The following RP1 variants were observed in gnomAD, a reference collection of about 807,000 sequenced individuals.
RP1 encodes the protein oxygen-regulated protein 1.
Under a neutral mutation model 14.8 loss-of-function variants are expected in RP1, and 16 were observed. The observed-to-expected ratio is 1.08, with a 90% CI of 0.73 to 1.65. The LOEUF (loss-of-function observed/expected upper bound fraction) is 1.65. Ranked by LOEUF, RP1 falls within the 40% of genes most tolerant of loss-of-function variation. RP1 has a pLI of 0.00. For synonymous variants in RP1, 876 were observed against 883.6 expected, an observed-to-expected ratio of 0.99 and a Z score of 0.15; for missense variants, 2,631 against 2,535.0, an observed-to-expected ratio of 1.04 and a Z score of -0.81.
Position 54,674,077 on chromosome 8 carries a change from A to T in RP1, c.1402+149A>T, listed in dbSNP as rs1022743241. The T allele has an allele frequency of 3.6e-5, 23 of 634,538 alleles. No individual in the cohort carries two copies. In the African/African-American group the frequency reaches 3.7e-4, roughly 10 times the overall value. The allele number at this position is 634,538 out of a possible 1,614,324, so 39.3% of individuals were successfully genotyped here. On this transcript the variant is annotated intron_variant, in intron 8 of 22. Transcript: ENST00000636932. ...TGAAATCAAAATATTGTCTCCAAATACCCTTTAAAATTTAACTAGATGTAT... is the reference window on the plus strand; with the variant it reads ...TGAAATCAAAATATTGTCTCCAAATTCCCTTTAAAATTTAACTAGATGTAT...
At chr8:54,799,541 T>C (rs2129388322) in intron 24 of RP1, among the ~76,000 whole-genome samples, 1 of 152,194 alleles carries the variant, frequency 6.6e-6, no homozygotes, top group Admixed American at 6.5e-5. Flanking sequence ...TTCTATTTGT[T>C]CTTCCTTTCC....
chr8:54,744,219 T>C (rs946590739), intron 19 of RP1, among the ~76,000 whole-genome samples: 2 of 152,020 alleles, frequency 1.3e-5, no homozygotes, highest in African/African-American at 2.4e-5. Flanking sequence ...AGCACACATA[T>C]TATATTAGGT....
chr8:54,822,271 T>G (rs1811275121), intron 24 of RP1, among the ~76,000 whole-genome samples: 1 of 152,216 alleles, frequency 6.6e-6, no homozygotes, highest in Admixed American at 6.5e-5. Context: ...GAGGTAAACA[T>G]TCTGCAAAAT....
chr8:54,718,802 A>G (rs1203624598), intron 15 of RP1, among the ~76,000 whole-genome samples: 1 of 152,212 alleles, frequency 6.6e-6, no homozygotes, highest in East Asian at 1.9e-4. Context: ...CTATAGACAC[A>G]GTAAAATAAT....
intron 22 of RP1, chr8:54,759,192 A>C (rs1415195176): frequency 1.9e-6 from 2 of 1,058,106 alleles, no homozygotes; most frequent in African/African-American, 3.2e-5. Flanking sequence ...TAGGTCACGG[A>C]TTTGTTTCAT....
chr8:54,757,357 AAGCTGACTC>A (rs1175058848), intron 21 of RP1, among the ~76,000 whole-genome samples: 1 of 152,242 alleles, frequency 6.6e-6, no homozygotes, highest in Non-Finnish European at 1.5e-5. Context: ...AGAGACCAGA[AAGCTGACTC>A]AGCCTATCTT....
At chr8:54,607,458 G>T (rs1805479792) in intron 1 of RP1, among the ~76,000 whole-genome samples, 1 of 152,168 alleles carries the variant, frequency 6.6e-6, no homozygotes, top group Non-Finnish European at 1.5e-5. Context: ...GCCCCTACTG[G>T]GGGGTGCCTC....
At chr8:54,719,488 G>A (rs537702988) in intron 15 of RP1, among the ~76,000 whole-genome samples, 21 of 152,002 alleles carry the variant, frequency 1.4e-4, no homozygotes, top group Non-Finnish European at 1.5e-4. Context: ...TCATTAGTTG[G>A]GACTGAAATC....
At chr8:54,620,522 T>G (rs1457186181) in intron 1 of RP1, among the ~76,000 whole-genome samples, 1 of 152,238 alleles carries the variant, frequency 6.6e-6, no homozygotes, top group African/African-American at 2.4e-5. Flanking sequence ...CTTATCCTCC[T>G]TGTTAAGCAA....
At chr8:54,836,196 G>C (rs1811652210) in intron 24 of RP1, among the ~76,000 whole-genome samples, 1 of 152,156 alleles carries the variant, frequency 6.6e-6, no homozygotes, top group East Asian at 1.9e-4. Context: ...ACCATTTATG[G>C]TAATACCAAA....
intron 1 of RP1, among the ~76,000 whole-genome samples, chr8:54,566,875 G>T (rs1804420292): frequency 6.6e-6 from 1 of 152,204 alleles, no homozygotes; most frequent in Non-Finnish European, 1.5e-5. Flanking sequence ...AGTGTGCTAA[G>T]TTAGACATCA....
intron 24 of RP1, among the ~76,000 whole-genome samples, chr8:54,799,500 T>C (rs1365379615): frequency 2.0e-5 from 3 of 152,066 alleles, no homozygotes; most frequent in Non-Finnish European, 4.4e-5. Flanking sequence ...ATTATATAAT[T>C]AGAATAAGAT....
chr8:54,690,931 G>C (rs919295753), intron 12 of RP1, among the ~76,000 whole-genome samples: 1 of 152,030 alleles, frequency 6.6e-6, no homozygotes, highest in Non-Finnish European at 1.5e-5. Context: ...AAAGCAGTCT[G>C]CTAGGAACCC....
intron 1 of RP1, among the ~76,000 whole-genome samples, chr8:54,597,546 T>C (rs923965124): frequency 3.3e-5 from 5 of 152,192 alleles, no homozygotes; most frequent in Non-Finnish European, 5.9e-5. Flanking sequence ...TATTTCTCAT[T>C]AGCAATTATT....
intron 15 of RP1, among the ~76,000 whole-genome samples, chr8:54,716,188 G>A (rs1215795802): frequency 6.6e-6 from 1 of 152,090 alleles, no homozygotes; most frequent in Non-Finnish European, 1.5e-5. Flanking sequence ...CAGTTTGGCT[G>A]AAAAGCCCAT....
intron 14 of RP1, among the ~76,000 whole-genome samples, chr8:54,701,814 CTT>C (rs774558659): frequency 4.6e-5 from 7 of 152,234 alleles, no homozygotes; most frequent in Admixed American, 2.0e-4. Context: ...GTTTGGCAGA[CTT>C]TGAAAGGCAA....
At chr8:54,722,642 A>G (rs556835489) in intron 16 of RP1, among the ~76,000 whole-genome samples, 1 of 152,308 alleles carries the variant, frequency 6.6e-6, no homozygotes, top group Non-Finnish European at 1.5e-5. Flanking sequence ...ATATTTTAAT[A>G]CAGAGATAGA....
exon 25 of RP1, chr8:54,837,509 A>G: frequency 8.1e-7 from 1 of 1,231,818 alleles, no homozygotes; most frequent in Non-Finnish European, 1.0e-6. Context: ...ACAACACTGG[A>G]AAGAATCCCA....
intron 24 of RP1, among the ~76,000 whole-genome samples, chr8:54,791,393 T>C (rs1810462581): frequency 1.3e-5 from 2 of 152,060 alleles, no homozygotes; most frequent in Admixed American, 1.3e-4. Flanking sequence ...CTAAAATATA[T>C]GAATATATGA....
Sources: allele counts gnomAD v4.1 joint callset (sites outside exome capture counted in the v4.1 genomes callset), GRCh38; gene constraint gnomAD v4.1.1; transcripts MANE v1.5; gene names NCBI Gene and HGNC (gene_info 2026-07-23, HGNC 2026-07-21).